NDUFAF2: variants seen among roughly 807,000 people sequenced by gnomAD.
The protein encoded by NDUFAF2 is NADH dehydrogenase [ubiquinone] 1 alpha subcomplex assembly factor 2.
A neutral mutation model predicts 22.8 loss-of-function variants in NDUFAF2; 13 were observed. The ratio of observed to expected loss-of-function variants is 0.57; its 90% CI spans 0.37 to 0.91. NDUFAF2 has a LOEUF of 0.91. NDUFAF2 is among the 40% of genes least tolerant of loss of function. NDUFAF2 has a pLI of 0.01. For missense variants in NDUFAF2, 162 were observed against 195.2 expected, an observed-to-expected ratio of 0.83 and a Z score of 1.01; for synonymous variants, 53 against 64.2, an observed-to-expected ratio of 0.83 and a Z score of 0.84.
intron 1 of NDUFAF2, among the ~76,000 whole-genome samples, chr5:60,987,091 G>T (rs1246848210): frequency 6.6e-6 from 1 of 152,058 alleles, no homozygotes; most frequent in Non-Finnish European, 1.5e-5. Context: ...TTGAGAAAGA[G>T]AATGTTACCG....
intron 3 of NDUFAF2, chr5:61,114,738 A>G (rs1752889365): frequency 6.6e-6 from 1 of 151,546 alleles, no homozygotes; most frequent in African/African-American, 2.4e-5. Flanking sequence ...TAGTCACTGC[A>G]TCTGTATCTG....
chr5:60,962,169 GT>G lies in NDUFAF2; in HGVS notation c.127+16799del, dbSNP rs551302461. Among the ~76,000 whole-genome samples the G allele has an allele frequency of 7.9e-3, 1,132 of 142,774 alleles. 8 individuals carry two copies. Among genetic ancestry groups the G allele is most frequent in the South Asian group, 0.028 (128 of 4,510 alleles). The allele number at this position is 142,774 out of a possible 152,430, so 93.7% of individuals were successfully genotyped here. On this transcript the variant is annotated intron_variant, in intron 1 of 3. Transcript: ENST00000296597. ...TCTTTCACCTCACATAGTTATCTTG[GT>G]TTTTTTTTTTTGTAGTGAACAAGTA...
At chr5:61,128,571 G>A (rs553442594) in intron 3 of NDUFAF2, among the ~76,000 whole-genome samples, 1 of 152,254 alleles carries the variant, frequency 6.6e-6, no homozygotes, top group African/African-American at 2.4e-5. Flanking sequence ...TTTAACAAAT[G>A]GTGCTGGGAA....
chr5:61,077,387 T>C (rs1752382804), intron 2 of NDUFAF2, among the ~76,000 whole-genome samples: 1 of 152,172 alleles, frequency 6.6e-6, no homozygotes, highest in South Asian at 2.1e-4. Context: ...GTAATCAAAA[T>C]GTCAAATGAG....
At chr5:61,032,431 T>C (rs1015628039) in intron 1 of NDUFAF2, among the ~76,000 whole-genome samples, 5 of 152,076 alleles carry the variant, frequency 3.3e-5, no homozygotes, top group African/African-American at 1.2e-4. Context: ...CCAGTTTCAG[T>C]TTTCTGCATA....
intron 1 of NDUFAF2, among the ~76,000 whole-genome samples, chr5:61,049,886 TACAC>T (rs70977822): frequency 1.9e-3 from 277 of 144,428 alleles, no homozygotes; most frequent in South Asian, 4.7e-3. Context: ...ATTTAAATTA[TACAC>T]ACACACACAC....
intron 1 of NDUFAF2, among the ~76,000 whole-genome samples, chr5:61,002,835 G>A (rs567617339): frequency 1.1e-4 from 16 of 152,064 alleles, no homozygotes; most frequent in Middle Eastern, 3.2e-3. Context: ...ATTGGCATTC[G>A]GAGGAATGTT....
chr5:61,132,447 T>C (rs554373345), intron 3 of NDUFAF2, among the ~76,000 whole-genome samples: 2 of 152,258 alleles, frequency 1.3e-5, no homozygotes, highest in African/African-American at 4.8e-5. Flanking sequence ...TTTCTTCATA[T>C]TGCTGTCTCC....
At chr5:60,946,022 G>T (rs1274805456) in intron 1 of NDUFAF2, among the ~76,000 whole-genome samples, 1 of 152,054 alleles carries the variant, frequency 6.6e-6, no homozygotes, top group African/African-American at 2.4e-5. Context: ...CCAAGACCCC[G>T]TTGAGCTCAA....
intron 1 of NDUFAF2, among the ~76,000 whole-genome samples, chr5:61,055,304 T>A (rs967850699): frequency 2.0e-5 from 3 of 152,220 alleles, no homozygotes; most frequent in Non-Finnish European, 4.4e-5. Context: ...AAATTGTAGT[T>A]CTGTTTCCAG....
At chr5:61,037,641 G>A (rs1211590456) in intron 1 of NDUFAF2, among the ~76,000 whole-genome samples, 1 of 152,036 alleles carries the variant, frequency 6.6e-6, no homozygotes, top group Non-Finnish European at 1.5e-5. Flanking sequence ...TTGCTATAAA[G>A]AAACCACTTT....
At chr5:61,044,138 C>A (rs959510766) in intron 1 of NDUFAF2, among the ~76,000 whole-genome samples, 1 of 151,562 alleles carries the variant, frequency 6.6e-6, no homozygotes, top group Admixed American at 6.6e-5. Context: ...ACCTGTTGGC[C>A]GTTTATAAGT....
At chr5:60,979,940 T>TC (rs1300891901) in intron 1 of NDUFAF2, among the ~76,000 whole-genome samples, 6 of 151,860 alleles carry the variant, frequency 4.0e-5, no homozygotes, top group Non-Finnish European at 7.4e-5. Context: ...GTTTTACCTC[T>TC]CCCCCAGCTC....
At chr5:61,021,605 T>C (rs1751584674) in intron 1 of NDUFAF2, among the ~76,000 whole-genome samples, 1 of 152,196 alleles carries the variant, frequency 6.6e-6, no homozygotes, top group Non-Finnish European at 1.5e-5. Flanking sequence ...TTCACATTAT[T>C]TATATCATTT....
At chr5:61,003,645 CT>C (rs33941286) in intron 1 of NDUFAF2, among the ~76,000 whole-genome samples, 28,932 of 121,736 alleles carry the variant, frequency 0.24, 3,323 homozygotes, top group African/African-American at 0.29. Flanking sequence ...AAAATCTATA[CT>C]TTTTTTTTTT....
chr5:61,147,141 G>A (rs772846058), intron 3 of NDUFAF2, among the ~76,000 whole-genome samples: 5 of 152,002 alleles, frequency 3.3e-5, no homozygotes, highest in Non-Finnish European at 7.4e-5. Flanking sequence ...ATTACATGAT[G>A]AACATTGAAA....
chr5:61,036,629 G>A (rs538864717), intron 1 of NDUFAF2, among the ~76,000 whole-genome samples: 1 of 152,220 alleles, frequency 6.6e-6, no homozygotes, highest in South Asian at 2.1e-4. Flanking sequence ...GAAACTACAA[G>A]GTATAGGAAA....
At chr5:61,125,748 A>C (rs1753028838) in intron 3 of NDUFAF2, among the ~76,000 whole-genome samples, 1 of 152,102 alleles carries the variant, frequency 6.6e-6, no homozygotes, top group African/African-American at 2.4e-5. Flanking sequence ...GATATTAAGT[A>C]TGACAGTGTT....
At chr5:60,972,030 C>T (rs1344137573) in intron 1 of NDUFAF2, among the ~76,000 whole-genome samples, 2 of 150,914 alleles carry the variant, frequency 1.3e-5, no homozygotes, top group Admixed American at 6.6e-5. Flanking sequence ...GCAACTGCCA[C>T]CTCCCGAGTT....
Sources: allele counts gnomAD v4.1 joint callset (sites outside exome capture counted in the v4.1 genomes callset), GRCh38; gene constraint gnomAD v4.1.1; transcripts MANE v1.5; gene names NCBI Gene and HGNC (gene_info 2026-07-23, HGNC 2026-07-21).